The following PTBP1 variants were observed in gnomAD, a reference collection of about 807,000 sequenced individuals.
PTBP1 encodes the protein polypyrimidine tract-binding protein 1.
Under a neutral mutation model 59.8 loss-of-function variants are expected in PTBP1, and 8 were observed. That is an observed-to-expected ratio of 0.13 (90% CI 0.08 to 0.24). PTBP1 has a LOEUF of 0.24. PTBP1 is among the 10% of genes least tolerant of loss of function. PTBP1 has a pLI of 1.00. For synonymous variants in PTBP1, 490 were observed against 320.7 expected, an observed-to-expected ratio of 1.53 and a Z score of -5.64; for missense variants, 686 against 767.0, an observed-to-expected ratio of 0.89 and a Z score of 1.25.
At chr19:806,791 T>A in intron 10 of PTBP1, 2 of 451,858 alleles carry the variant, frequency 4.4e-6, no homozygotes, top group Non-Finnish European at 7.7e-6. Flanking sequence ...CAGAATGAAT[T>A]ATTTTTTGGT....
In PTBP1 at chr19:808,887, A is replaced by G. The variant is rs191225072; in HGVS notation, c.1463+125A>G. 46 of 860,142 alleles carry G rather than the reference A, an allele frequency of 5.3e-5. No homozygotes were observed. The East Asian group carries it at 1.2e-3, about 22-fold the overall frequency. 53.3% of individuals were successfully genotyped at this position (860,142 alleles called of 1,614,324 possible). On this transcript the variant is annotated intron_variant, in intron 13 of 14. Transcript: ENST00000356948. This position sits in a 1 kb window ranked among gnomAD's most constrained non-coding sequence, Gnocchi z 4.7. ...TGCAGGTCGGGCACCTCTTACCCCA[A>G]ACCTGAAGTACTGCAAGGCCTGGAG...
chr19:801,188 CTG>C (rs1380843498), intron 2 of PTBP1, among the ~76,000 whole-genome samples: 3 of 152,196 alleles, frequency 2.0e-5, no homozygotes, highest in Admixed American at 6.5e-5. Flanking sequence ...TCCTGTCAAT[CTG>C]TGTGCTTCAG....
At position 806,403 on chromosome 19, in the gene PTBP1, T is replaced by A. The variant is rs1568271676; in HGVS notation, c.971-5T>A. On this transcript the variant is annotated splice_polypyrimidine_tract_variant and splice_region_variant and intron_variant, in intron 9 of 14. Transcript: ENST00000356948. ...CGCCGCTCATCTCACCTCCTGCTTT[T>A]CCAGGCCTTTCCGTTCCGAACGTCC... 10 of 1,599,842 alleles carry A rather than the reference T, an allele frequency of 6.3e-6. No homozygotes were observed. Among genetic ancestry groups the A allele is most frequent in the Non-Finnish European group, 6.8e-6 (8 of 1,173,880 alleles).
intron 1 of PTBP1, 117 bp downstream of exon 1, chr19:797,622 G>T: frequency 1.6e-6 from 1 of 632,414 alleles, no homozygotes. Context: ...AGGGGGCGGC[G>T]GGCTCTCCCC....
intron 6 of PTBP1, 26 bp downstream of exon 6, chr19:804,728 G>C: frequency 1.9e-6 from 3 of 1,610,266 alleles, no homozygotes; most frequent in Non-Finnish European, 1.7e-6. Flanking sequence ...CACCGCCAGG[G>C]CAGGTCGGCT....
intron 10 of PTBP1, 177 bp downstream of exon 10, chr19:806,733 CTT>C (rs1398489318): frequency 1.9e-6 from 1 of 536,380 alleles, no homozygotes. Context: ...GAGTTTTCCT[CTT>C]TTCCTGAATT....
At chr19:802,845 A>G (rs2034396136) in intron 2 of PTBP1, among the ~76,000 whole-genome samples, 1 of 152,232 alleles carries the variant, frequency 6.6e-6, no homozygotes, top group South Asian at 2.1e-4. Context: ...TTACATAGAA[A>G]TAACCAGTGA....
At chr19:806,723 G>A in intron 10 of PTBP1, 167 bp downstream of exon 10, 1 of 562,652 alleles carries the variant, frequency 1.8e-6, no homozygotes, top group Non-Finnish European at 2.9e-6. Flanking sequence ...AAGATGGCTT[G>A]AGTTTTCCTC....
intron 10 of PTBP1, chr19:807,507 T>C (rs530574814): frequency 3.7e-4 from 107 of 289,040 alleles, no homozygotes; most frequent in Middle Eastern, 1.0e-3. Flanking sequence ...CTGATTCTTA[T>C]GTATTTACTG....
rs965891699 is a variant in PTBP1, at chr19:811,123, G to T, written c.*297G>T. ...GCCTGTGTCGGGCGTGGGGCCTGCAGGTGGGCGCCCCGACCACGACTTGGC... is the reference window on the plus strand; with the variant it reads ...GCCTGTGTCGGGCGTGGGGCCTGCATGTGGGCGCCCCGACCACGACTTGGC... On this transcript the variant is annotated 3_prime_UTR_variant, in exon 15 of 15. Transcript: ENST00000356948. 97 of 290,734 alleles carry T rather than the reference G, an allele frequency of 3.3e-4. No individual in the cohort carries two copies. The highest frequency in any genetic ancestry group is 1.9e-3 in the African/African-American group (88 of 45,800). The allele number at this position is 290,734 out of a possible 1,614,324, so 18.0% of individuals were successfully genotyped here.
Position 808,628 on chromosome 19 carries a change from C to G in PTBP1, c.1329C>G (p.Pro443=). The G allele has an allele frequency of 1.2e-6, 2 of 1,611,002 alleles. No individual in the cohort carries two copies. Among genetic ancestry groups the G allele is most frequent in the Non-Finnish European group, 1.7e-6 (2 of 1,179,692 alleles). ...CGAAGCACCAGAACGTGCAGCTGCC[C>G]CGCGAGGGCCAGGAGGACCAGGGCC... The part of the protein sequence containing the change: ...TLSKHQNVQL[P]REGQEDQGLT... Residue 443 remains proline (P), a synonymous_variant, in exon 13 of 15, where the codon CCC becomes CCG. Transcript: ENST00000356948. This position sits in a 1 kb window ranked among gnomAD's most constrained non-coding sequence, Gnocchi z 4.7.
chr19:805,625 C>A, intron 9 of PTBP1, 56 bp downstream of exon 9: 1 of 1,446,006 alleles, frequency 6.9e-7, no homozygotes, highest in South Asian at 1.1e-5. Context: ...ACCACCTTCC[C>A]AGGCAGCTCC....
rs1169435084 is a variant in PTBP1, at chr19:811,646, C to T, written c.*820C>T. The stretch of plus-strand genomic sequence containing the variant: ...TTATTCCTTGTAATTAAGTCACAGG[C>T]AGGACCCAGTTTCCAGAGAGCAGGC... On this transcript the variant is annotated 3_prime_UTR_variant, in exon 15 of 15. Coordinates refer to ENST00000356948, the MANE Select transcript of PTBP1 (RefSeq NM_002819.5). 6.6e-6 allele frequency: 1 copy of T among 152,386 alleles called. No homozygotes were observed. Among genetic ancestry groups the T allele is most frequent in the Non-Finnish European group, 1.5e-5 (1 of 68,050 alleles). The allele number at this position is 152,386 out of a possible 1,614,324, so 9.4% of individuals were successfully genotyped here. A position where few individuals can be genotyped will look rare whatever the true frequency, so the allele number is the denominator to read the frequency against.
At position 804,809 on chromosome 19, in the gene PTBP1, C is replaced by T. The variant is rs776080969; in HGVS notation, c.607-20C>T. ...GGTGGGCACCGGGCAGGAGCTCATG[C>T]TGTGGCCCGGGACCTGCAGATTTTC... is the stretch of plus-strand genomic sequence containing the variant. On this transcript the variant is annotated intron_variant, in intron 6 of 14. Transcript: ENST00000356948. 5.6e-6 allele frequency: 9 copies of T among 1,610,644 alleles called. No homozygotes were observed. The highest frequency in any genetic ancestry group is 1.7e-5 in the Admixed American group (1 of 60,016).
rs763084650 is a variant in PTBP1 at position 804,334 on chromosome 19, G to C, written c.331G>C (p.Val111Leu). The change falls in exon 5 of 15, where the codon GTG becomes CTG. Residue 111 changes from valine (V) to leucine (L), a missense_variant. Transcript: ENST00000356948. Reference protein sequence around the residue: ...MNTEEAANTMVNYYTSVTPVL... With the variant: ...MNTEEAANTMLNYYTSVTPVL... ...CACGGAGGAGGCTGCCAACACCATG[G>C]TGAACTACTACACCTCGGTGACCCC... 2.5e-6 allele frequency: 4 copies of C among 1,613,696 alleles called. No homozygotes were observed. In the East Asian group the frequency reaches 6.7e-5, roughly 27 times the overall value.
chr19:798,051 C>T (rs2034155302), intron 1 of PTBP1, among the ~76,000 whole-genome samples: 2 of 151,476 alleles, frequency 1.3e-5, no homozygotes. Context: ...GGAAAGCTGG[C>T]GCCGGGGCCT....
intron 9 of PTBP1, 182 bp downstream of exon 9, chr19:805,751 A>G: frequency 1.6e-6 from 1 of 613,354 alleles, no homozygotes; most frequent in East Asian, 2.8e-5. Context: ...GTGGTAGGAC[A>G]GGGCTGTGGA....
At position 810,524 on chromosome 19, in the gene PTBP1, C is replaced by A; in HGVS notation, c.1464-19C>A. 1.2e-6 allele frequency: 2 copies of A among 1,611,362 alleles called. No homozygotes were observed. The highest frequency in any genetic ancestry group is 8.5e-7 in the Non-Finnish European group (1 of 1,178,762). On this transcript the variant is annotated intron_variant, in intron 13 of 14. Transcript: ENST00000356948. ...CCACCCCCACGCGGCCCCAGGCTCA[C>A]GCCTTTCTCCTCCCACAGGCCCTCA...
chr19:802,224 C>CACGGCCAACTCT (rs2034365579), intron 2 of PTBP1, among the ~76,000 whole-genome samples: 1 of 152,190 alleles, frequency 6.6e-6, no homozygotes, highest in South Asian at 2.1e-4. Flanking sequence ...TCTTGCCGTC[C>CACGGCCAACTCT]GCGTCGGGAG....
Sources: gnomAD v4.1 joint callset for allele counts (sites outside exome capture counted in the v4.1 genomes callset) on GRCh38, gnomAD v4.1.1 for gene constraint, Gnocchi (gnomAD v3.1) non-coding constraint, MANE v1.5 for transcripts, NCBI Gene and HGNC (gene_info 2026-07-23, HGNC 2026-07-21) for gene names.